EYA1: variants seen among roughly 807,000 people sequenced by gnomAD.
EYA1 encodes the protein protein phosphatase EYA1.
In EYA1, 16 loss-of-function variants were observed where a neutral mutation model predicts 82.0. The observed-to-expected ratio is 0.20, with a 90% CI of 0.13 to 0.30. EYA1 has a LOEUF of 0.30. EYA1 is among the 10% of genes least tolerant of loss of function. The pLI, the probability that EYA1 is intolerant of heterozygous loss-of-function variation, is 1.00. For missense variants in EYA1, 633 were observed against 730.7 expected, an observed-to-expected ratio of 0.87 and a Z score of 1.54; for synonymous variants, 261 against 264.4, an observed-to-expected ratio of 0.99 and a Z score of 0.12.
At position 71,228,673 on chromosome 8, in the gene EYA1, A is replaced by G. The variant is rs79678220; in HGVS notation, c.1141-11650T>C. 5.3e-3 allele frequency among the ~76,000 whole-genome samples: 813 copies of G among 152,286 alleles called. 6 individuals are homozygous for G. The highest frequency in any genetic ancestry group is 0.018 in the African/African-American group (764 of 41,560). On this transcript the variant is annotated intron_variant, in intron 12 of 17. Transcript: ENST00000340726. ...GAAAATACATAACCACATGTTCTCG[A>G]TTCTTTCATTCATTTTCTCATGCAT... is the stretch of plus-strand genomic sequence containing the variant.
chr8:71,503,606 A>C (rs1048598025), intron 2 of EYA1, among the ~76,000 whole-genome samples: 2 of 152,228 alleles, frequency 1.3e-5, no homozygotes, highest in African/African-American at 4.8e-5. Flanking sequence ...CTTTTATGAC[A>C]TCGCCAAAAT....
intron 2 of EYA1, among the ~76,000 whole-genome samples, chr8:71,433,623 A>G (rs1158158229): frequency 6.6e-6 from 1 of 152,232 alleles, no homozygotes; most frequent in Non-Finnish European, 1.5e-5. Flanking sequence ...GATTTCAGGG[A>G]GAAAGAACAT....
intron 2 of EYA1, among the ~76,000 whole-genome samples, chr8:71,401,254 C>T (rs1005167955): frequency 2.0e-5 from 3 of 152,136 alleles, no homozygotes; most frequent in Non-Finnish European, 2.9e-5. Flanking sequence ...GTGTAACAAA[C>T]CTGCATGTCC....
At chr8:71,373,080 G>A (rs975519317) in intron 2 of EYA1, among the ~76,000 whole-genome samples, 2 of 152,030 alleles carry the variant, frequency 1.3e-5, no homozygotes, top group Non-Finnish European at 1.5e-5. Flanking sequence ...ACAAAGCAAG[G>A]ATCCCCATTC....
chr8:71,381,220 C>T (rs1306103429), intron 2 of EYA1, among the ~76,000 whole-genome samples: 1 of 152,214 alleles, frequency 6.6e-6, no homozygotes, highest in Non-Finnish European at 1.5e-5. Flanking sequence ...GCTTCTCAAG[C>T]ACCTTTACTT....
chr8:71,209,105 C>A (rs2060271165), intron 17 of EYA1, among the ~76,000 whole-genome samples: 1 of 152,242 alleles, frequency 6.6e-6, no homozygotes, highest in African/African-American at 2.4e-5. Flanking sequence ...TAGGGCCATA[C>A]TGGTCAGAGG....
chr8:71,209,006 A>T (rs1777650136), intron 17 of EYA1, among the ~76,000 whole-genome samples: 1 of 152,238 alleles, frequency 6.6e-6, no homozygotes, highest in South Asian at 2.1e-4. Flanking sequence ...CAAGCTAGAA[A>T]GCCACATTTT....
At chr8:71,497,600 C>A (rs1811510653) in intron 2 of EYA1, among the ~76,000 whole-genome samples, 1 of 151,772 alleles carries the variant, frequency 6.6e-6, no homozygotes, top group African/African-American at 2.4e-5. Flanking sequence ...GAAAAGGGCA[C>A]CCTCACACAC....
intron 12 of EYA1, among the ~76,000 whole-genome samples, chr8:71,242,064 C>G (rs1159364090): frequency 2.6e-5 from 4 of 151,988 alleles, no homozygotes; most frequent in Non-Finnish European, 4.4e-5. Context: ...CAAAAATTAG[C>G]CACGCATGGT....
Position 71,304,370 on chromosome 8 carries a change from C to T in EYA1, c.557-4650G>A, listed in dbSNP as rs1407154475. Among the ~76,000 whole-genome samples, 2 of 142,738 alleles carry T rather than the reference C, an allele frequency of 1.4e-5. 1 individual carries two copies. Among genetic ancestry groups the T allele is most frequent in the Non-Finnish European group, 3.2e-5 (2 of 62,878 alleles). 93.6% of individuals were successfully genotyped at this position (142,738 alleles called of 152,430 possible). ...GGCACCTGGCTCCAGAACTGACGCT[C>T]TTAATCTCTATAGTAAATTGCATCT... On this transcript the variant is annotated intron_variant, in intron 7 of 17. Transcript: ENST00000340726.
chr8:71,439,994 T>A (rs950017101), intron 2 of EYA1, among the ~76,000 whole-genome samples: 1 of 152,168 alleles, frequency 6.6e-6, no homozygotes, highest in Non-Finnish European at 1.5e-5. Flanking sequence ...ATAATAATTA[T>A]TTTTAAAGAC....
intron 2 of EYA1, among the ~76,000 whole-genome samples, chr8:71,489,090 T>G (rs1162464142): frequency 6.6e-6 from 1 of 152,190 alleles, no homozygotes; most frequent in Non-Finnish European, 1.5e-5. Flanking sequence ...CTGTTTCTCT[T>G]GAGCAACTGG....
At chr8:71,542,685 G>A (rs902334342) in intron 1 of EYA1, among the ~76,000 whole-genome samples, 8 of 152,202 alleles carry the variant, frequency 5.3e-5, no homozygotes, top group Non-Finnish European at 1.0e-4. Context: ...CACCTACAGA[G>A]TATAAGCATT....
intron 11 of EYA1, among the ~76,000 whole-genome samples, chr8:71,268,078 T>A (rs1816081301): frequency 6.6e-6 from 1 of 152,216 alleles, no homozygotes; most frequent in South Asian, 2.1e-4. Context: ...AGCCAATAAT[T>A]TATGGCCAAA....
chr8:71,541,368 G>A (rs144395779), intron 1 of EYA1, among the ~76,000 whole-genome samples: 78 of 152,294 alleles, frequency 5.1e-4, no homozygotes, highest in African/African-American at 1.8e-3. Flanking sequence ...GATGAAGCCT[G>A]TTTATAAAGA....
intron 2 of EYA1, among the ~76,000 whole-genome samples, chr8:71,462,569 A>G (rs915639496): frequency 8.5e-5 from 13 of 152,178 alleles, no homozygotes; most frequent in African/African-American, 3.1e-4. Flanking sequence ...AGCTCAGCCC[A>G]GCCCTAGTGA....
chr8:71,202,355 A>C (rs910716708), intron 17 of EYA1, among the ~76,000 whole-genome samples: 6 of 152,162 alleles, frequency 3.9e-5, no homozygotes, highest in Non-Finnish European at 7.4e-5. Flanking sequence ...TCATCTGTAC[A>C]TGTGTGTGGG....
intron 9 of EYA1, among the ~76,000 whole-genome samples, chr8:71,283,400 T>C (rs1818034590): frequency 6.6e-6 from 1 of 152,234 alleles, no homozygotes; most frequent in African/African-American, 2.4e-5. Context: ...CCAGATGCAT[T>C]TTATATGTAC....
chr8:71,447,337 G>A (rs539802887), intron 2 of EYA1, among the ~76,000 whole-genome samples: 36 of 151,754 alleles, frequency 2.4e-4, no homozygotes, highest in Non-Finnish European at 4.7e-4. Flanking sequence ...TCTGCAAAAG[G>A]CCAGAACTAC....
Sources: allele counts gnomAD v4.1 joint callset (sites outside exome capture counted in the v4.1 genomes callset), GRCh38; gene constraint gnomAD v4.1.1; transcripts MANE v1.5; gene names NCBI Gene and HGNC (gene_info 2026-07-23, HGNC 2026-07-21).